STAC: variants seen among roughly 807,000 people sequenced by gnomAD.
STAC encodes SH3 and cysteine rich domain.
STAC carries 43 observed loss-of-function variants against 48.8 expected under a neutral mutation model. The observed-to-expected ratio is 0.88, with a 90% CI of 0.69 to 1.14. The LOEUF (loss-of-function observed/expected upper bound fraction) is 1.14, where lower values mean the gene tolerates loss of function less well. Among genes scored for constraint, STAC ranks in the 50% most tolerant of loss-of-function variants. The pLI, the probability that STAC is intolerant of heterozygous loss-of-function variation, is 0.00. For synonymous variants in STAC, 193 were observed against 179.5 expected, an observed-to-expected ratio of 1.07 and a Z score of -0.60; for missense variants, 497 against 504.0, an observed-to-expected ratio of 0.99 and a Z score of 0.13.
chr3:36,528,550 T>C, intron 8 of STAC, 146 bp from the exon 9 acceptor site: 1 of 625,284 alleles, frequency 1.6e-6, no homozygotes, highest in Non-Finnish European at 2.6e-6. Context: ...ATTTTCTTGG[T>C]AGGAAGAACT....
intron 2 of STAC, among the ~76,000 whole-genome samples, chr3:36,475,584 A>G (rs1025144050): frequency 6.6e-6 from 1 of 152,208 alleles, no homozygotes; most frequent in Admixed American, 6.5e-5. Context: ...CAGAAATCTG[A>G]AGCATCTGTC....
intron 1 of STAC, among the ~76,000 whole-genome samples, chr3:36,432,419 A>T (rs1700727563): frequency 1.3e-5 from 2 of 152,192 alleles, no homozygotes; most frequent in Non-Finnish European, 2.9e-5. Context: ...CTTTTGCTTT[A>T]GGCCTGGCGT....
intron 2 of STAC, among the ~76,000 whole-genome samples, chr3:36,468,604 ATATATATT>A (rs1697239615): frequency 6.7e-6 from 1 of 148,522 alleles, no homozygotes; most frequent in Non-Finnish European, 1.5e-5. Context: ...ATATATTTAT[ATATATATT>A]TATATATTTA....
chr3:36,458,347 G>T (rs1209951401), intron 2 of STAC, among the ~76,000 whole-genome samples: 1 of 152,106 alleles, frequency 6.6e-6, no homozygotes, highest in Non-Finnish European at 1.5e-5. Flanking sequence ...GATATCTAAA[G>T]TTTAGGGGCA....
In STAC at chr3:36,380,553, GCTGAGCAGC is replaced by G. The variant is rs1699483885; in HGVS notation, c.-87_-79del. 1.1e-5 allele frequency: 12 copies of G among 1,059,790 alleles called. No individual in the cohort carries two copies. The highest frequency in any genetic ancestry group is 1.7e-5 in the Non-Finnish European group (12 of 708,814). 65.6% of individuals were successfully genotyped at this position (1,059,790 alleles called of 1,614,324 possible). A position where few individuals can be genotyped will look rare whatever the true frequency, so the allele number is the denominator to read the frequency against. On this transcript the variant is annotated 5_prime_UTR_variant, in exon 1 of 11. An upstream open reading frame in the 5' UTR loses its in-frame stop. Coordinates refer to ENST00000273183, the MANE Select transcript of STAC (RefSeq NM_003149.3). ...AGGATGGGAGTCCCCAGGACCCGGA[GCTGAGCAGC>G]CTGGCGCGCGGCGGGCAGGGCGCGC... is the stretch of plus-strand genomic sequence containing the variant.
At chr3:36,493,957 T>C (rs1240179273) in intron 6 of STAC, among the ~76,000 whole-genome samples, 1 of 151,532 alleles carries the variant, frequency 6.6e-6, no homozygotes, top group Non-Finnish European at 1.5e-5. Context: ...GAGACCATCC[T>C]GGCTAACACG....
chr3:36,440,715 G>A lies in STAC; in HGVS notation c.112-2649G>A, dbSNP rs76390635. ...TTGCAAAGTGCCTGGATAAGGGAAA[G>A]GGGAGAGAACTGCAGTCTTTTTGTA... On this transcript the variant is annotated intron_variant, in intron 1 of 10. Coordinates refer to ENST00000273183, the MANE Select transcript of STAC (RefSeq NM_003149.3). Among the ~76,000 whole-genome samples, 95 of 152,328 alleles carry A rather than the reference G, an allele frequency of 6.2e-4. 1 individual carries two copies. The highest frequency in any genetic ancestry group is 2.2e-3 in the African/African-American group (92 of 41,568).
rs1696416725 is a variant in STAC at position 36,443,475 on chromosome 3, A to G, written c.223A>G (p.Met75Val). The change falls in exon 2 of 11, where the codon ATG (methionine) becomes GTG (valine). Residue 75 changes from methionine to valine, a missense_variant. Coordinates refer to ENST00000273183, the MANE Select transcript of STAC (RefSeq NM_003149.3). This position sits in a 1 kb window ranked among gnomAD's most constrained non-coding sequence, Gnocchi z 4.2. ...CGAAGACATGAAACTGCAAGCACACATGGTGGCTGAGATCAGCCCCAGCTC... is the reference window on the plus strand; with the variant it reads ...CGAAGACATGAAACTGCAAGCACACGTGGTGGCTGAGATCAGCCCCAGCTC... ...NSEDMKLQAH[M>V]VAEISPSSSP... 6.2e-7 allele frequency: 1 copy of G among 1,614,200 alleles called. No homozygotes were observed. Among genetic ancestry groups the G allele is most frequent in the Non-Finnish European group, 8.5e-7 (1 of 1,180,026 alleles).
intron 2 of STAC, among the ~76,000 whole-genome samples, chr3:36,463,395 C>T (rs1559501311): frequency 6.6e-6 from 1 of 152,060 alleles, no homozygotes; most frequent in Non-Finnish European, 1.5e-5. Flanking sequence ...GGCTTTGAAT[C>T]CAGGAATGTG....
Position 36,500,187 on chromosome 3 carries a change from T to C in STAC, c.767-4206T>C, listed in dbSNP as rs561860961. On this transcript the variant is annotated intron_variant, in intron 6 of 10. Transcript: ENST00000273183. ...AATCTAATTTACCTAAAAAGGACAC[T>C]CCATGTAACAAGTAGAAGATGCACA... 9.4e-4 allele frequency among the ~76,000 whole-genome samples: 143 copies of C among 152,220 alleles called. 1 individual carries two copies. Among genetic ancestry groups the C allele is most frequent in the African/African-American group, 3.4e-3 (141 of 41,560 alleles).
intron 8 of STAC, among the ~76,000 whole-genome samples, chr3:36,524,738 G>A (rs1698890451): frequency 1.3e-5 from 2 of 152,112 alleles, no homozygotes; most frequent in Admixed American, 6.6e-5. Context: ...CAGGCTCTGT[G>A]GGAAAGAGTG....
intron 5 of STAC, among the ~76,000 whole-genome samples, chr3:36,492,024 A>T (rs1697984992): frequency 2.4e-5 from 1 of 41,362 alleles, no homozygotes; most frequent in Non-Finnish European, 5.1e-5. Context: ...AAAAAAAAAA[A>T]AAAAAAAATA....
chr3:36,533,475 GTTTTTTTTT>G (rs58981589), intron 10 of STAC, among the ~76,000 whole-genome samples: 1 of 61,430 alleles, frequency 1.6e-5, no homozygotes, highest in African/African-American at 6.4e-5. Context: ...TTGCTAGCAT[GTTTTTTTTT>G]TTTTTTTTTT....
In STAC at chr3:36,492,504, A is replaced by T. The variant is rs889064334; in HGVS notation, c.688-647A>T. Among the ~76,000 whole-genome samples the T allele has an allele frequency of 5.9e-5, 9 of 152,312 alleles. No individual in the cohort carries two copies. In the South Asian group the frequency reaches 1.9e-3, roughly 32 times the overall value. On this transcript the variant is annotated intron_variant, in intron 5 of 10. Transcript: ENST00000273183. ...ATAGGATTAATTTGGGGAATAAATG[A>T]GATGGTATCTATAAAGTCCTTAAAA...
intron 6 of STAC, among the ~76,000 whole-genome samples, chr3:36,498,173 A>G (rs1698192371): frequency 6.6e-6 from 1 of 152,218 alleles, no homozygotes; most frequent in African/African-American, 2.4e-5. Context: ...AAAATGTTAA[A>G]AATGGACCAT....
At chr3:36,486,767 C>T (rs1002514327) in intron 5 of STAC, among the ~76,000 whole-genome samples, 3 of 152,220 alleles carry the variant, frequency 2.0e-5, no homozygotes, top group African/African-American at 7.2e-5. Context: ...CTCACTCTTC[C>T]AAGCACCTCT....
At chr3:36,529,948 C>T (rs905557107) in intron 10 of STAC, among the ~76,000 whole-genome samples, 1 of 152,118 alleles carries the variant, frequency 6.6e-6, no homozygotes, top group African/African-American at 2.4e-5. Flanking sequence ...AATGAAACCC[C>T]ATCTCTACTA....
At chr3:36,542,986 A>T (rs987278576) in intron 10 of STAC, among the ~76,000 whole-genome samples, 1 of 152,188 alleles carries the variant, frequency 6.6e-6, no homozygotes, top group East Asian at 1.9e-4. Context: ...AAATATCTCT[A>T]ACTGTACCTG....
chr3:36,393,501 G>A (rs368896119), intron 1 of STAC, among the ~76,000 whole-genome samples: 6 of 151,908 alleles, frequency 3.9e-5, no homozygotes, highest in East Asian at 1.9e-4. Context: ...ATTTTACGTA[G>A]ACTGACTGCT....
Sources: gnomAD v4.1 joint callset for allele counts (sites outside exome capture counted in the v4.1 genomes callset) on GRCh38, gnomAD v4.1.1 for gene constraint, Gnocchi (gnomAD v3.1) non-coding constraint, MANE v1.5 for transcripts, NCBI Gene and HGNC (gene_info 2026-07-23, HGNC 2026-07-21) for gene names.